Variants in OR14A2 observed in about 807,000 individuals in gnomAD.
The protein encoded by OR14A2 is olfactory receptor family 14 subfamily A member 2.
For missense variants in OR14A2, 237 were observed against 152.9 expected, an observed-to-expected ratio of 1.55 and a Z score of -2.90; for synonymous variants, 114 against 58.6, an observed-to-expected ratio of 1.95 and a Z score of -4.32.
chr1:247,725,801 G>A (rs1165415881), upstream of OR14A2, among the ~76,000 whole-genome samples: 9 of 124,066 alleles, frequency 7.3e-5, no homozygotes, highest in African/African-American at 2.5e-4. Flanking sequence ...TTGTTCTTGC[G>A]ATAGTTTACT....
the OR14A2 span, among the ~76,000 whole-genome samples, chr1:247,733,630 A>G: frequency 2.0e-5 from 3 of 152,142 alleles, no homozygotes; most frequent in African/African-American, 7.2e-5. Flanking sequence ...CTATTGCAAT[A>G]CTCTTTTTGA....
chr1:247,746,015 A>G, the OR14A2 span, among the ~76,000 whole-genome samples: 1 of 152,178 alleles, frequency 6.6e-6, no homozygotes, highest in African/African-American at 2.4e-5. Flanking sequence ...AAAACAGGGA[A>G]AAACCATGGG....
At chr1:247,733,493 G>T in the OR14A2 span, among the ~76,000 whole-genome samples, 13,006 of 152,116 alleles carry the variant, frequency 0.086, 736 homozygotes, top group African/African-American at 0.16. Context: ...GTTCAATCAT[G>T]CTATCTGCTC....
the OR14A2 span, among the ~76,000 whole-genome samples, chr1:247,729,817 T>A: frequency 1.3e-5 from 2 of 152,018 alleles, no homozygotes; most frequent in Non-Finnish European, 2.9e-5. Flanking sequence ...GAAAAGCAAT[T>A]TCAGGGTTTA....
the OR14A2 span, among the ~76,000 whole-genome samples, chr1:247,748,127 C>G: frequency 2.1e-4 from 32 of 152,048 alleles, no homozygotes; most frequent in Non-Finnish European, 4.1e-4. Context: ...AGTAATATAA[C>G]TGATATTTCT....
chr1:247,738,832 C>T, the OR14A2 span: 1 of 780,782 alleles, frequency 1.3e-6, no homozygotes, highest in Non-Finnish European at 2.4e-6. Flanking sequence ...TGTCTCATTT[C>T]TGCCACAGTC....
chr1:247,729,728 C>T, the OR14A2 span, among the ~76,000 whole-genome samples: 1 of 151,946 alleles, frequency 6.6e-6, no homozygotes, highest in Non-Finnish European at 1.5e-5. Flanking sequence ...AGTAAAAATA[C>T]ACACAAAAAC....
At chr1:247,739,069 C>T in the OR14A2 span, 2 of 780,612 alleles carry the variant, frequency 2.6e-6, no homozygotes, top group African/African-American at 1.7e-5. Flanking sequence ...AACAGAGGGG[C>T]CTTGGGACTC....
chr1:247,741,269 A>G, the OR14A2 span, among the ~76,000 whole-genome samples: 2 of 152,230 alleles, frequency 1.3e-5, no homozygotes, highest in South Asian at 4.1e-4. Flanking sequence ...AAACTGGATT[A>G]TCTAATGCCT....
the OR14A2 span, chr1:247,739,708 C>T: frequency 1.8e-6 from 1 of 570,438 alleles, no homozygotes; most frequent in Non-Finnish European, 3.1e-6. Flanking sequence ...AAATAGAAAG[C>T]AACTATTTTC....
the OR14A2 span, among the ~76,000 whole-genome samples, chr1:247,744,902 A>G: frequency 2.4e-4 from 37 of 152,150 alleles, no homozygotes; most frequent in African/African-American, 8.0e-4. The surrounding 1 kb of genome is among the most constrained non-coding windows in gnomAD (Gnocchi z 4.3). Flanking sequence ...GAAGTTATAA[A>G]TTGGACATAC....
chr1:247,745,685 A>T, the OR14A2 span, among the ~76,000 whole-genome samples: 3 of 152,244 alleles, frequency 2.0e-5, no homozygotes, highest in East Asian at 5.8e-4. Flanking sequence ...AAAAATCAAA[A>T]ATATAGGGAA....
chr1:247,741,177 A>C, the OR14A2 span, among the ~76,000 whole-genome samples: 1 of 152,212 alleles, frequency 6.6e-6, no homozygotes, highest in South Asian at 2.1e-4. Flanking sequence ...GTATGTCAGA[A>C]AATAATTTAA....
the OR14A2 span, among the ~76,000 whole-genome samples, chr1:247,735,745 C>T: frequency 6.6e-6 from 1 of 152,108 alleles, no homozygotes; most frequent in African/African-American, 2.4e-5. Context: ...ACGTAGAGGA[C>T]AGAAATGGTC....
chr1:247,733,395 C>T, the OR14A2 span, among the ~76,000 whole-genome samples: 1 of 152,122 alleles, frequency 6.6e-6, no homozygotes, highest in Non-Finnish European at 1.5e-5. Context: ...TGAAAAGAAA[C>T]AAAAACCAAA....
chr1:247,746,810 C>T, the OR14A2 span: 1 of 152,206 alleles, frequency 6.6e-6, no homozygotes, highest in African/African-American at 2.4e-5. Flanking sequence ...CTGCCTCTGA[C>T]CATCCTGCCA....
At chr1:247,724,762 G>C (rs1483436054), upstream of OR14A2, among the ~76,000 whole-genome samples, 1 of 152,004 alleles carries the variant, frequency 6.6e-6, no homozygotes, top group Non-Finnish European at 1.5e-5. Flanking sequence ...TCATTATAAG[G>C]GTGGTTGATT....
chr1:247,745,454 G>A, the OR14A2 span, among the ~76,000 whole-genome samples: 1 of 151,360 alleles, frequency 6.6e-6, no homozygotes, highest in East Asian at 1.9e-4. Context: ...TGTAGTAAAG[G>A]AGAGAAAAAA....
At chr1:247,733,701 A>C in the OR14A2 span, among the ~76,000 whole-genome samples, 3 of 152,200 alleles carry the variant, frequency 2.0e-5, no homozygotes, top group Non-Finnish European at 4.4e-5. Context: ...AAAATGAACA[A>C]AAGACAAAAC....
Sources: gnomAD v4.1 joint callset for allele counts (sites outside exome capture counted in the v4.1 genomes callset) on GRCh38, gnomAD v4.1.1 for gene constraint, Gnocchi (gnomAD v3.1) non-coding constraint, MANE v1.5 for transcripts, NCBI Gene and HGNC (gene_info 2026-07-23, HGNC 2026-07-21) for gene names.